The following ANKHD1 variants were observed in gnomAD, a reference collection of about 807,000 sequenced individuals.
ANKHD1 encodes the protein ankyrin repeat and KH domain containing 1, also known as ankyrin repeat and KH domain-containing protein 1.
Under a neutral mutation model 230.5 loss-of-function variants are expected in ANKHD1, and 31 were observed. The observed-to-expected ratio is 0.13, with a 90% CI of 0.10 to 0.18. The LOEUF (loss-of-function observed/expected upper bound fraction) is 0.18, where lower values mean the gene tolerates loss of function less well. ANKHD1 is among the 10% of genes least tolerant of loss of function. The pLI is 1.00. For synonymous variants in ANKHD1, 1,074 were observed against 1,117.6 expected, an observed-to-expected ratio of 0.96 and a Z score of 0.78; for missense variants, 2,256 against 3,071.3, an observed-to-expected ratio of 0.73 and a Z score of 6.27.
At position 140,497,013 on chromosome 5, in the gene ANKHD1, ACAGTCTCCACCATCGG is replaced by A; in HGVS notation, c.2743_2758del (p.Ser915AsnfsTer22). 1 of 1,614,198 alleles carries A rather than the reference ACAGTCTCCACCATCGG, an allele frequency of 6.2e-7. No individual in the cohort carries two copies. The highest frequency in any genetic ancestry group is 8.5e-7 in the Non-Finnish European group (1 of 1,180,024). Reference sequence around the variant, plus strand: ...AAGATAATGATGTTGATGATGAGCAACAGTCTCCACCATCGGCAGAACAGATTGATTTTGTCCCAGT... The same window carrying A: ...AAGATAATGATGTTGATGATGAGCAACAGAACAGATTGATTTTGTCCCAGT... On this transcript the variant is annotated frameshift_variant, in exon 15 of 34. Coordinates refer to ENST00000360839, the MANE Select transcript of ANKHD1 (RefSeq NM_017747.3). LOFTEE classifies it high-confidence loss of function.
chr5:140,506,294 T>G lies in ANKHD1; in HGVS notation c.3408+425T>G, dbSNP rs763220546. ...GTACTTCTGTTAACTTTTATGGGAA[T>G]GTAAATGCCCTTTTTTTTTGGCGGG... is the stretch of plus-strand genomic sequence containing the variant. On this transcript the variant is annotated intron_variant, in intron 18 of 33. Transcript: ENST00000360839. This position sits in a 1 kb window ranked among gnomAD's most constrained non-coding sequence, Gnocchi z 4.7. Among the ~76,000 whole-genome samples the G allele has an allele frequency of 3.9e-5, 6 of 152,052 alleles. No individual in the cohort carries two copies. Among genetic ancestry groups the G allele is most frequent in the Non-Finnish European group, 5.9e-5 (4 of 68,030 alleles).
chr5:140,405,221 T>C (rs1446272767), intron 1 of ANKHD1, among the ~76,000 whole-genome samples: 1 of 152,170 alleles, frequency 6.6e-6, no homozygotes, highest in East Asian at 1.9e-4. Flanking sequence ...TAAGAGTACA[T>C]GTAGACCTCA....
In ANKHD1 at chr5:140,485,067, T is replaced by A. The variant is rs1751443195; in HGVS notation, c.1871-54T>A. The A allele has an allele frequency of 6.4e-7, 1 of 1,553,518 alleles. No homozygotes were observed. The highest frequency in any genetic ancestry group is 8.8e-7 in the Non-Finnish European group (1 of 1,141,418). On this transcript the variant is annotated intron_variant, in intron 11 of 33. Transcript: ENST00000360839. This position sits in a 1 kb window ranked among gnomAD's most constrained non-coding sequence, Gnocchi z 4.8. ...AAAAATTTTTAAATGATATTGACTA[T>A]GAACTAGCTTGATGTCAACCTTTGC... is the stretch of plus-strand genomic sequence containing the variant.
chr5:140,529,597 T>G lies in ANKHD1; in HGVS notation c.6651T>G (p.Phe2217Leu), dbSNP rs764851885. The G allele has an allele frequency of 1.9e-6, 3 of 1,614,222 alleles. No homozygotes were observed. The highest frequency in any genetic ancestry group is 4.5e-5 in the East Asian group (2 of 44,886). Residue 2217 changes from phenylalanine to leucine, a missense_variant, in exon 29 of 34, where the codon TTT (phenylalanine) becomes TTG (leucine). This residue lies in a region of ANKHD1 where 778 missense variants were observed against 966.5 expected (regional missense o/e 0.80). Transcript: ENST00000360839. ...ATLFNHFSSL[F>L]DSSQVPANQG... The stretch of plus-strand genomic sequence containing the variant: ...TTTTCAATCACTTCAGCAGTCTTTT[T>G]GATAGTAGTCAGGTGCCAGCTAACC...
chr5:140,461,208 A>G (rs188972689), intron 9 of ANKHD1, among the ~76,000 whole-genome samples: 6 of 152,354 alleles, frequency 3.9e-5, no homozygotes, highest in African/African-American at 1.4e-4. Context: ...CTAATGCACA[A>G]TGATGTTATA....
chr5:140,444,083 C>T (rs1469595982), intron 5 of ANKHD1, among the ~76,000 whole-genome samples: 1 of 143,552 alleles, frequency 7.0e-6, no homozygotes, highest in Non-Finnish European at 1.5e-5. Flanking sequence ...ATGAAGTCCC[C>T]CCCCCCCTTT....
At chr5:140,487,153 AC>A in intron 14 of ANKHD1, 93 bp downstream of exon 14, 1 of 1,275,222 alleles carries the variant, frequency 7.8e-7, no homozygotes, top group Non-Finnish European at 1.0e-6. Context: ...GTTACTGTGT[AC>A]CCATGGCTAA....
intron 29 of ANKHD1, 145 bp downstream of exon 29, chr5:140,529,941 T>A (rs1348783474): frequency 2.3e-6 from 3 of 1,307,508 alleles, no homozygotes; most frequent in Non-Finnish European, 3.0e-6. Context: ...CTGTCCCTCA[T>A]AGTAAGGAAG....
chr5:140,443,096 G>A (rs567047363), intron 5 of ANKHD1, among the ~76,000 whole-genome samples: 137 of 151,630 alleles, frequency 9.0e-4, no homozygotes, highest in Admixed American at 1.8e-3. Flanking sequence ...TAGTAGAGAC[G>A]GGGTTTCACC....
rs182757645 is a variant in ANKHD1 at position 140,426,433 on chromosome 5, A to G, written c.307-9671A>G. 4.9e-3 allele frequency among the ~76,000 whole-genome samples: 750 copies of G among 152,248 alleles called. 5 individuals carry two copies. The highest frequency in any genetic ancestry group is 6.3e-3 in the Non-Finnish European group (426 of 68,018). On this transcript the variant is annotated intron_variant, in intron 1 of 33. Transcript: ENST00000360839. ...GTGTGAGCCACTGCGCCCAGCTGGG[A>G]GCTTTATTTTTGAAGGTTGGTGAGG...
chr5:140,403,305 A>C (rs1156717194), intron 1 of ANKHD1, among the ~76,000 whole-genome samples: 4 of 151,850 alleles, frequency 2.6e-5, no homozygotes, highest in African/African-American at 9.7e-5. Context: ...GAAGTCCTTC[A>C]TTTCTTTAAC....
chr5:140,410,135 C>T (rs1191116382), intron 1 of ANKHD1, among the ~76,000 whole-genome samples: 1 of 152,044 alleles, frequency 6.6e-6, no homozygotes, highest in East Asian at 1.9e-4. Flanking sequence ...TCACCCTGCT[C>T]CCACATATCT....
intron 24 of ANKHD1, among the ~76,000 whole-genome samples, chr5:140,521,151 T>C (rs1753331800): frequency 6.6e-6 from 1 of 152,178 alleles, no homozygotes; most frequent in Admixed American, 6.5e-5. Context: ...AAAAATATTT[T>C]GTTGATAATT....
intron 1 of ANKHD1, among the ~76,000 whole-genome samples, chr5:140,428,991 G>A (rs976325862): frequency 3.3e-5 from 5 of 151,686 alleles, no homozygotes; most frequent in Admixed American, 2.0e-4. Context: ...TCACCATGTT[G>A]GCCAGGCTGG....
intron 1 of ANKHD1, among the ~76,000 whole-genome samples, chr5:140,415,428 C>T (rs1293874444): frequency 1.3e-5 from 2 of 149,542 alleles, no homozygotes; most frequent in East Asian, 2.0e-4. Flanking sequence ...AAATTTACGC[C>T]TTTGATACCT....
chr5:140,496,482 T>TTTG, intron 14 of ANKHD1, 38 bp from the exon 15 acceptor site: 7 of 1,036,274 alleles, frequency 6.8e-6, no homozygotes, highest in Non-Finnish European at 8.9e-6. Context: ...TTTTTTTTTT[T>TTTG]AGCATGGCAC....
intron 6 of ANKHD1, among the ~76,000 whole-genome samples, chr5:140,448,774 C>G (rs1459614298): frequency 1.3e-5 from 2 of 152,066 alleles, no homozygotes; most frequent in Non-Finnish European, 2.9e-5. Flanking sequence ...TTCACTGTAT[C>G]AAGAGGATTG....
chr5:140,536,670 C>G (rs541174955), intron 30 of ANKHD1, among the ~76,000 whole-genome samples: 2 of 152,274 alleles, frequency 1.3e-5, no homozygotes, highest in East Asian at 3.9e-4. Flanking sequence ...TATAGAGGGT[C>G]ACCAGATGTT....
In ANKHD1 at chr5:140,524,211, A is replaced by G. The variant is rs1172937573; in HGVS notation, c.4463A>G (p.Asp1488Gly). The part of the protein sequence containing the change: ...KPKENSELPE[D>G]EDEEENDEDV... ...AAGGAGAATTCGGAACTACCAGAGG[A>G]TGAAGATGAAGAGGAGAATGATGAA... is the stretch of plus-strand genomic sequence containing the variant. Residue 1488 changes from aspartate to glycine, a missense_variant, in exon 25 of 34, where the codon GAT becomes GGT. This residue lies in a region of ANKHD1 where 212 missense variants were observed against 257.3 expected (regional missense o/e 0.82). Coordinates refer to ENST00000360839, the MANE Select transcript of ANKHD1 (RefSeq NM_017747.3). 1.3e-6 allele frequency: 2 copies of G among 1,586,574 alleles called. No homozygotes were observed. Among genetic ancestry groups the G allele is most frequent in the Non-Finnish European group, 1.7e-6 (2 of 1,173,294 alleles).
Sources: allele counts gnomAD v4.1 joint callset (sites outside exome capture counted in the v4.1 genomes callset), GRCh38; gene constraint gnomAD v4.1.1; regional missense constraint gnomAD v4.1.1; non-coding constraint Gnocchi (gnomAD v3.1); transcripts MANE v1.5; gene names NCBI Gene and HGNC (gene_info 2026-07-23, HGNC 2026-07-21).